The following RNF220 variants were observed in gnomAD, a reference collection of about 807,000 sequenced individuals.
The protein encoded by RNF220 is E3 ubiquitin-protein ligase RNF220.
Under a neutral mutation model 67.1 loss-of-function variants are expected in RNF220, and 7 were observed. The ratio of observed to expected loss-of-function variants is 0.10; its 90% CI spans 0.06 to 0.20. RNF220 has a LOEUF of 0.20. RNF220 is among the 10% of genes least tolerant of loss of function. The pLI, the probability that RNF220 is intolerant of heterozygous loss-of-function variation, is 1.00. For synonymous variants in RNF220, 270 were observed against 283.2 expected, an observed-to-expected ratio of 0.95 and a Z score of 0.47; for missense variants, 565 against 740.3, an observed-to-expected ratio of 0.76 and a Z score of 2.75.
chr1:44,568,214 A>G (rs778908334), intron 2 of RNF220, among the ~76,000 whole-genome samples: 1 of 152,128 alleles, frequency 6.6e-6, no homozygotes, highest in Non-Finnish European at 1.5e-5. Context: ...AATCAGGGTA[A>G]AATCCTTACT....
intron 2 of RNF220, among the ~76,000 whole-genome samples, chr1:44,552,652 G>A (rs552274632): frequency 1.3e-3 from 167 of 128,268 alleles, no homozygotes; most frequent in Admixed American, 4.8e-3. Flanking sequence ...CTCCCTGCAA[G>A]CTCCGCCTCC....
intron 2 of RNF220, among the ~76,000 whole-genome samples, chr1:44,445,138 T>C (rs1325030322): frequency 6.6e-6 from 1 of 152,214 alleles, no homozygotes. Flanking sequence ...CATATGTTTA[T>C]TGGCCATTTA....
intron 2 of RNF220, among the ~76,000 whole-genome samples, chr1:44,428,591 C>A (rs1418127649): frequency 6.6e-6 from 1 of 152,174 alleles, no homozygotes; most frequent in Non-Finnish European, 1.5e-5. Context: ...TTCGCTCCCA[C>A]TCCACTATCC....
At chr1:44,608,154 G>A (rs1334800247) in intron 2 of RNF220, among the ~76,000 whole-genome samples, 1 of 151,208 alleles carries the variant, frequency 6.6e-6, no homozygotes, top group Non-Finnish European at 1.5e-5. Context: ...CAAACTCCTG[G>A]CCTTAAGCAG....
intron 2 of RNF220, among the ~76,000 whole-genome samples, chr1:44,474,112 C>T (rs1028239593): frequency 5.3e-5 from 8 of 152,050 alleles, no homozygotes; most frequent in African/African-American, 1.4e-4. Context: ...TGGTAGCTCA[C>T]GCCTATAATC....
At chr1:44,487,088 A>G (rs1557973041) in intron 2 of RNF220, among the ~76,000 whole-genome samples, 1 of 152,126 alleles carries the variant, frequency 6.6e-6, no homozygotes, top group Non-Finnish European at 1.5e-5. Flanking sequence ...TAATCCCAGC[A>G]CTTTGGGAGG....
intron 2 of RNF220, among the ~76,000 whole-genome samples, chr1:44,539,511 C>T (rs1485130998): frequency 1.3e-5 from 2 of 152,154 alleles, no homozygotes; most frequent in Admixed American, 1.3e-4. Context: ...CTGGAGCCCA[C>T]CGTCAAGGAG....
At chr1:44,557,195 T>TTATATATATA (rs201045333) in intron 2 of RNF220, among the ~76,000 whole-genome samples, 7 of 144,274 alleles carry the variant, frequency 4.9e-5, no homozygotes, top group African/African-American at 1.8e-4. Flanking sequence ...AATATATATT[T>TTATATATATA]TATATATATA....
chr1:44,459,917 CTGA>C (rs1557946581), intron 2 of RNF220, among the ~76,000 whole-genome samples: 3 of 152,274 alleles, frequency 2.0e-5, no homozygotes, highest in East Asian at 3.9e-4. Context: ...CAGGAAGTCA[CTGA>C]TGATCTTGGT....
chr1:44,444,897 T>G (rs969332708), intron 2 of RNF220, among the ~76,000 whole-genome samples: 2 of 152,230 alleles, frequency 1.3e-5, no homozygotes, highest in African/African-American at 4.8e-5. Flanking sequence ...GTAGAATTGC[T>G]GCCTCCTGGG....
At chr1:44,407,336 G>A (rs1028345514) in intron 1 of RNF220, among the ~76,000 whole-genome samples, 14 of 152,184 alleles carry the variant, frequency 9.2e-5, no homozygotes, top group Non-Finnish European at 2.1e-4. Context: ...AGGGGACTGG[G>A]GGGAGCAGAG....
At chr1:44,603,053 T>A (rs538568164) in intron 2 of RNF220, among the ~76,000 whole-genome samples, 1 of 152,164 alleles carries the variant, frequency 6.6e-6, no homozygotes, top group South Asian at 2.1e-4. Context: ...CAAGGATCTG[T>A]CACCAGCAAT....
intron 2 of RNF220, among the ~76,000 whole-genome samples, chr1:44,504,587 C>T (rs554802497): frequency 2.0e-5 from 3 of 151,820 alleles, no homozygotes; most frequent in East Asian, 3.9e-4. Context: ...TCTGGGTGGG[C>T]GGGTATAATG....
At chr1:44,514,848 T>C (rs1258764959) in intron 2 of RNF220, among the ~76,000 whole-genome samples, 4 of 152,184 alleles carry the variant, frequency 2.6e-5, no homozygotes, top group African/African-American at 9.7e-5. Flanking sequence ...TTACTAGTTG[T>C]GTGCATAACC....
chr1:44,490,658 A>G (rs904485325), intron 2 of RNF220, among the ~76,000 whole-genome samples: 9 of 151,992 alleles, frequency 5.9e-5, no homozygotes, highest in African/African-American at 1.9e-4. Context: ...TGTTATATTA[A>G]TAACTTAACC....
At chr1:44,485,088 A>G (rs979074217) in intron 2 of RNF220, among the ~76,000 whole-genome samples, 1 of 152,234 alleles carries the variant, frequency 6.6e-6, no homozygotes, top group Admixed American at 6.5e-5. Flanking sequence ...GTGAGCTGAG[A>G]TCGTGCCACT....
chr1:44,437,519 AT>A (rs780118690), intron 2 of RNF220, among the ~76,000 whole-genome samples: 4 of 152,230 alleles, frequency 2.6e-5, no homozygotes, highest in Non-Finnish European at 5.9e-5. Flanking sequence ...GTAGCTGTTA[AT>A]ATGAGTCTGT....
chr1:44,474,426 G>T (rs1655110888), intron 2 of RNF220, among the ~76,000 whole-genome samples: 1 of 141,512 alleles, frequency 7.1e-6, no homozygotes, highest in African/African-American at 2.6e-5. Flanking sequence ...ATAATAATAG[G>T]CTGGGAGTGG....
intron 12 of RNF220, chr1:44,648,539 G>C (rs1479384136): frequency 6.6e-6 from 1 of 152,184 alleles, no homozygotes; most frequent in Non-Finnish European, 1.5e-5. Flanking sequence ...GAGAGTCCTA[G>C]CTATTCCCTG....
Sources: gnomAD v4.1 joint callset for allele counts (sites outside exome capture counted in the v4.1 genomes callset) on GRCh38, gnomAD v4.1.1 for gene constraint, MANE v1.5 for transcripts, NCBI Gene and HGNC (gene_info 2026-07-23, HGNC 2026-07-21) for gene names.